EIF2AK4: variants seen among roughly 807,000 people sequenced by gnomAD.
The protein encoded by EIF2AK4 is eIF-2-alpha kinase GCN2.
In EIF2AK4, 139 loss-of-function variants were observed where a neutral mutation model predicts 211.1. The observed-to-expected ratio is 0.66, with a 90% confidence interval of 0.57 to 0.76. The LOEUF is 0.76. EIF2AK4 is among the 30% of genes least tolerant of loss of function. The pLI, the probability that EIF2AK4 is intolerant of heterozygous loss-of-function variation, is 0.00. For synonymous variants in EIF2AK4, 710 were observed against 751.3 expected (o/e 0.94, Z 0.90); for missense variants, 1,664 against 2,043.8 (o/e 0.81, Z 3.58).
At chr15:40,014,838 T>C (rs2140941736) in intron 27 of EIF2AK4, among the ~76,000 whole-genome samples, 1 of 152,340 alleles carries the variant, frequency 6.6e-6, no homozygotes, top group African/African-American at 2.4e-5. Context: ...CTTTTAAAAC[T>C]GAATGGTCTT....
In EIF2AK4 at chr15:39,967,874, A is replaced by C. The variant is rs1249962092; in HGVS notation, c.1548A>C (p.Leu516=). Residue 516 remains leucine (L), a synonymous_variant, in exon 9 of 39, where the codon CTA becomes CTC. Transcript: ENST00000263791. The part of the protein sequence containing the change: ...SDLPADFQDF[L]KKCVCLDDKE... The stretch of plus-strand genomic sequence containing the variant: ...TACCAGCTGACTTTCAAGATTTTCT[A>C]AAGAAGTGAGTATCACTGAGATTCT... The C allele has an allele frequency of 6.2e-7, 1 of 1,613,506 alleles. No homozygotes were observed. The highest frequency in any genetic ancestry group is 8.5e-7 in the Non-Finnish European group (1 of 1,179,600).
intron 9 of EIF2AK4, 93 bp downstream of exon 9, chr15:39,967,972 G>A: frequency 1.6e-6 from 2 of 1,289,372 alleles, no homozygotes; most frequent in Non-Finnish European, 2.1e-6. Context: ...TGTGGAAGCT[G>A]AGAAGTGAGG....
chr15:40,001,541 A>G (rs2035091446), intron 21 of EIF2AK4, among the ~76,000 whole-genome samples: 2 of 151,418 alleles, frequency 1.3e-5, no homozygotes, highest in South Asian at 2.1e-4. Context: ...GAGGCAGGAG[A>G]ATCGCTTGAG....
chr15:40,010,081 TG>T (rs2035215499), intron 26 of EIF2AK4, among the ~76,000 whole-genome samples: 2 of 152,362 alleles, frequency 1.3e-5, no homozygotes, highest in South Asian at 4.1e-4. Context: ...TAATTGGTCC[TG>T]ATACTTGCCA....
intron 38 of EIF2AK4, among the ~76,000 whole-genome samples, 196 bp from the exon 39 acceptor site, chr15:40,034,831 A>C (rs1436577812): frequency 6.6e-6 from 1 of 152,230 alleles, no homozygotes; most frequent in African/African-American, 2.4e-5. Context: ...GTGAATGGTT[A>C]TCTCCTTACT....
Position 39,967,737 on chromosome 15 carries a change from C to G in EIF2AK4, c.1411C>G (p.Leu471Val). The G allele has an allele frequency of 6.2e-7, 1 of 1,614,200 alleles. No homozygotes were observed. The highest frequency in any genetic ancestry group is 8.5e-7 in the Non-Finnish European group (1 of 1,180,040). ...CCGAGTTCGTTTTAGTGACAATGCTCTGCCTTATAAAACGGGGAAGAAAGG... is the reference window on the plus strand; with the variant it reads ...CCGAGTTCGTTTTAGTGACAATGCTGTGCCTTATAAAACGGGGAAGAAAGG... The part of the protein sequence containing the change: ...QTRVRFSDNA[L>V]PYKTGKKGDV... Residue 471 changes from leucine to valine, a missense_variant, in exon 9 of 39, where the codon CTG (leucine) becomes GTG (valine). Coordinates refer to ENST00000263791, the MANE Select transcript of EIF2AK4 (RefSeq NM_001013703.4).
intron 35 of EIF2AK4, among the ~76,000 whole-genome samples, 158 bp downstream of exon 35, chr15:40,030,614 C>T (rs1313820859): frequency 6.6e-6 from 1 of 152,158 alleles, no homozygotes; most frequent in Admixed American, 6.5e-5. Context: ...TGGCTTCTGG[C>T]TCCAGGATTC....
chr15:40,032,102 G>C (rs1175664516), intron 35 of EIF2AK4, 67 bp from the exon 36 acceptor site: 6 of 1,288,202 alleles, frequency 4.7e-6, no homozygotes, highest in South Asian at 1.2e-5. Context: ...TCCTGGGATA[G>C]GAAATAAGAT....
At chr15:39,988,212 C>T (rs557194637) in intron 15 of EIF2AK4, 107 bp downstream of exon 15, 1 of 1,220,406 alleles carries the variant, frequency 8.2e-7, no homozygotes, top group Admixed American at 2.0e-5. Flanking sequence ...AGAGGGAAAG[C>T]TATGGGTATA....
chr15:40,025,979 T>G lies in EIF2AK4; in HGVS notation c.4392T>G (p.Val1464=), dbSNP rs771088792. 5.8e-5 allele frequency: 93 copies of G among 1,613,812 alleles called. No homozygotes were observed. Among genetic ancestry groups the G allele is most frequent in the Non-Finnish European group, 7.5e-5 (88 of 1,179,924 alleles). Residue 1464 remains valine, a splice_region_variant and synonymous_variant, in exon 33 of 39, where the codon GTT becomes GTG. Coordinates refer to ENST00000263791, the MANE Select transcript of EIF2AK4 (RefSeq NM_001013703.4). ...AGATCCGTTTCATTCTTTTTAAGGT[T>G]AAGTCTTTCGAGAAGGAAAGGCAGA... The part of the protein sequence containing the change: ...VSDKEGSHVK[V]KSFEKERQTE...
rs550678776 is a variant in EIF2AK4 at position 40,030,584 on chromosome 15, T to C, written c.4659+128T>C. 1.2e-5 allele frequency: 12 copies of C among 1,003,404 alleles called. No individual in the cohort carries two copies. In the African/African-American group the frequency reaches 2.0e-4, roughly 16 times the overall value. 62.2% of individuals were successfully genotyped at this position (1,003,404 alleles called of 1,614,324 possible). A position where few individuals can be genotyped will look rare whatever the true frequency, so the allele number is the denominator to read the frequency against. On this transcript the variant is annotated intron_variant, in intron 35 of 38. Coordinates refer to ENST00000263791, the MANE Select transcript of EIF2AK4 (RefSeq NM_001013703.4). ...ATTTTTTCCAAGAAAAAAATTTTTC[T>C]TCCAACTTGCCTAACTGGGTGGCTT...
chr15:40,019,434 C>T (rs191357379), intron 30 of EIF2AK4, among the ~76,000 whole-genome samples: 20 of 152,294 alleles, frequency 1.3e-4, no homozygotes, highest in Non-Finnish European at 1.8e-4. Flanking sequence ...GTCCCTAACC[C>T]CCAGGCAGTG....
intron 19 of EIF2AK4, among the ~76,000 whole-genome samples, chr15:39,998,067 G>A (rs139823452): frequency 8.9e-4 from 135 of 152,268 alleles, no homozygotes; most frequent in African/African-American, 3.1e-3. Flanking sequence ...AGCTGTGTTC[G>A]TAAAGTATAG....
At chr15:39,961,752 G>T in intron 6 of EIF2AK4, 32 bp from the exon 7 acceptor site, 1 of 1,527,750 alleles carries the variant, frequency 6.5e-7, no homozygotes, top group Non-Finnish European at 9.0e-7. Context: ...AAAAATGATT[G>T]TTCAAATGTA....
intron 18 of EIF2AK4, among the ~76,000 whole-genome samples, chr15:39,996,618 G>A (rs2035021617): frequency 6.6e-6 from 1 of 152,174 alleles, no homozygotes; most frequent in Non-Finnish European, 1.5e-5. Context: ...GGCTGAGGTG[G>A]AAGGATTGCT....
chr15:39,934,805 A>G (rs906204354), intron 1 of EIF2AK4, among the ~76,000 whole-genome samples: 1 of 152,198 alleles, frequency 6.6e-6, no homozygotes, highest in Admixed American at 6.5e-5. Context: ...TCAAATCTGC[A>G]CGCCACATAA....
intron 38 of EIF2AK4, among the ~76,000 whole-genome samples, chr15:40,034,765 A>G (rs762450188): frequency 5.3e-5 from 8 of 152,208 alleles, no homozygotes; most frequent in Non-Finnish European, 1.2e-4. Context: ...ATGCCAATCA[A>G]TCAATCAATC....
chr15:40,000,350 TATCTC>T (rs1284494919), intron 20 of EIF2AK4, among the ~76,000 whole-genome samples: 1 of 152,172 alleles, frequency 6.6e-6, no homozygotes, highest in African/African-American at 2.4e-5. Flanking sequence ...GAGGTTTTCT[TATCTC>T]AAATATTTCT....
intron 1 of EIF2AK4, among the ~76,000 whole-genome samples, chr15:39,937,249 T>C (rs1363605325): frequency 6.6e-6 from 1 of 152,220 alleles, no homozygotes; most frequent in African/African-American, 2.4e-5. Context: ...TGGTGGTGTT[T>C]GTTTTCCTTT....
Sources: allele counts gnomAD v4.1 joint callset (sites outside exome capture counted in the v4.1 genomes callset), GRCh38; gene constraint gnomAD v4.1.1; transcripts MANE v1.5; gene names NCBI Gene and HGNC (gene_info 2026-07-23, HGNC 2026-07-21).